Variants in EYS observed in about 807,000 individuals in gnomAD.
The protein encoded by EYS is EGF-like photoreceptor maintenance factor.
A neutral mutation model predicts 282.1 loss-of-function variants in EYS; 250 were observed. The ratio of observed to expected loss-of-function variants is 0.89; its 90% CI spans 0.80 to 0.98. The LOEUF (loss-of-function observed/expected upper bound fraction) is 0.98, where lower values mean the gene tolerates loss of function less well. EYS is among the 50% of genes least tolerant of loss of function. EYS has a pLI of 0.00. For synonymous variants in EYS, 1,355 were observed against 1,282.9 expected, an observed-to-expected ratio of 1.06 and a Z score of -1.20; for missense variants, 4,016 against 3,709.0, an observed-to-expected ratio of 1.08 and a Z score of -2.15.
intron 32 of EYS, among the ~76,000 whole-genome samples, chr6:64,072,100 A>G (rs939467694): frequency 1.3e-5 from 2 of 152,016 alleles, no homozygotes; most frequent in African/African-American, 4.8e-5. Context: ...ACAAAGTAAT[A>G]CATAATAATA....
intron 22 of EYS, among the ~76,000 whole-genome samples, chr6:64,630,771 T>C (rs1225653434): frequency 2.0e-5 from 3 of 152,194 alleles, no homozygotes. Flanking sequence ...ATGTGATGTT[T>C]ACATTCTTAG....
At chr6:64,266,015 A>C (rs542240099) in intron 30 of EYS, among the ~76,000 whole-genome samples, 31 of 152,224 alleles carry the variant, frequency 2.0e-4, no homozygotes, top group Non-Finnish European at 3.4e-4. Flanking sequence ...AAGTTTTTTC[A>C]AATAAAAATT....
rs918603132 is a variant in EYS, at chr6:63,835,337, C to CTA, written c.7228+28847_7228+28848dup. On this transcript the variant is annotated intron_variant, in intron 36 of 42. Transcript: ENST00000503581. ...CTATATATACATATATACTCTCTCT[C>CTA]TATATATATATACACACACACACAC... Among the ~76,000 whole-genome samples, 7 of 150,028 alleles carry CTA rather than the reference C, an allele frequency of 4.7e-5. No homozygotes were observed. The East Asian group carries it at 5.9e-4, about 13-fold the overall frequency.
At chr6:65,079,104 T>C (rs1363657082) in intron 12 of EYS, among the ~76,000 whole-genome samples, 1 of 152,040 alleles carries the variant, frequency 6.6e-6, no homozygotes, top group East Asian at 1.9e-4. Context: ...TTTATAGCAA[T>C]GCAAGAATAG....
chr6:65,194,046 G>A (rs1385989449), intron 12 of EYS, among the ~76,000 whole-genome samples: 1 of 151,966 alleles, frequency 6.6e-6, no homozygotes, highest in African/African-American at 2.4e-5. Flanking sequence ...CATCTGATGA[G>A]ATAGGATTTT....
At chr6:64,074,397 A>C (rs1426983614) in intron 32 of EYS, among the ~76,000 whole-genome samples, 1 of 151,252 alleles carries the variant, frequency 6.6e-6, no homozygotes, top group Non-Finnish European at 1.5e-5. Context: ...TATTCTAGTC[A>C]CCTATTTTAC....
At chr6:64,862,528 A>G (rs781688724) in intron 19 of EYS, among the ~76,000 whole-genome samples, 1 of 152,040 alleles carries the variant, frequency 6.6e-6, no homozygotes, top group Non-Finnish European at 1.5e-5. Context: ...CTTTTCACTC[A>G]TATTATCTTT....
chr6:64,833,965 T>C (rs1299114203), intron 19 of EYS, among the ~76,000 whole-genome samples: 3 of 151,902 alleles, frequency 2.0e-5, no homozygotes, highest in Admixed American at 6.6e-5. Flanking sequence ...TAATTTTAAT[T>C]CTTCATTTGA....
chr6:64,493,895 A>G (rs1040980126), intron 26 of EYS, among the ~76,000 whole-genome samples: 4 of 151,462 alleles, frequency 2.6e-5, no homozygotes, highest in African/African-American at 9.7e-5. Context: ...TTTCAGAACC[A>G]TCTTCTCCCC....
chr6:64,624,865 G>A (rs1165925264), intron 23 of EYS, among the ~76,000 whole-genome samples: 2 of 151,990 alleles, frequency 1.3e-5, no homozygotes, highest in East Asian at 3.9e-4. Context: ...AGGTAAATAG[G>A]GACTATTTTT....
intron 12 of EYS, among the ~76,000 whole-genome samples, chr6:65,221,311 GC>G (rs2150259388): frequency 6.6e-6 from 1 of 152,246 alleles, no homozygotes; most frequent in Non-Finnish European, 1.5e-5. Context: ...CCCATCACAT[GC>G]CCAGAGGCCT....
chr6:65,627,124 T>C (rs534251833), intron 2 of EYS, among the ~76,000 whole-genome samples: 10 of 152,240 alleles, frequency 6.6e-5, no homozygotes, highest in Admixed American at 6.5e-4. Flanking sequence ...ACAATGACAA[T>C]AAAATGCACA....
At chr6:64,333,637 C>G (rs1770724761) in intron 29 of EYS, among the ~76,000 whole-genome samples, 1 of 152,262 alleles carries the variant, frequency 6.6e-6, no homozygotes, top group Non-Finnish European at 1.5e-5. Flanking sequence ...GGGCTACTAA[C>G]CTTTGATCAG....
At chr6:64,631,111 G>A (rs748367339) in intron 22 of EYS, 7 of 152,100 alleles carry the variant, frequency 4.6e-5, no homozygotes, top group Non-Finnish European at 1.0e-4. Flanking sequence ...ACTAGGAGAA[G>A]GGGCATAAAA....
chr6:64,830,463 A>C (rs1005525772), intron 19 of EYS, among the ~76,000 whole-genome samples: 2 of 151,984 alleles, frequency 1.3e-5, no homozygotes, highest in Admixed American at 6.6e-5. Flanking sequence ...TTCATGAACA[A>C]ACAAAAAAGT....
chr6:64,834,735 T>C (rs1439585438), intron 19 of EYS, among the ~76,000 whole-genome samples: 1 of 151,842 alleles, frequency 6.6e-6, no homozygotes, highest in African/African-American at 2.4e-5. Flanking sequence ...ACTAAGTCTC[T>C]ATAATGTTTA....
intron 33 of EYS, among the ~76,000 whole-genome samples, chr6:64,058,127 C>A (rs954455937): frequency 6.6e-6 from 1 of 152,086 alleles, no homozygotes; most frequent in Non-Finnish European, 1.5e-5. Flanking sequence ...CTCAGGAGAT[C>A]TGATGGTTTT....
At chr6:63,948,608 C>A (rs1268297942) in intron 35 of EYS, among the ~76,000 whole-genome samples, 1 of 135,740 alleles carries the variant, frequency 7.4e-6, no homozygotes, top group Non-Finnish European at 1.7e-5. Context: ...TTCCTTTCTC[C>A]TTCCTTTCTC....
chr6:63,753,146 A>ATATATATATATATATATG (rs1304933511), intron 41 of EYS, among the ~76,000 whole-genome samples: 25 of 104,068 alleles, frequency 2.4e-4, no homozygotes, highest in African/African-American at 1.0e-3. Context: ...GTGTGTATAT[A>ATATATATATATATATATG]TATATATATA....
Sources: allele counts gnomAD v4.1 joint callset (sites outside exome capture counted in the v4.1 genomes callset), GRCh38; gene constraint gnomAD v4.1.1; transcripts MANE v1.5; gene names NCBI Gene and HGNC (gene_info 2026-07-23, HGNC 2026-07-21).